ING5: variants seen among roughly 807,000 people sequenced by gnomAD.
The protein encoded by ING5 is inhibitor of growth protein 5.
In ING5, 17 loss-of-function variants were observed where a neutral mutation model predicts 37.4. The observed-to-expected ratio is 0.45, with a 90% CI of 0.31 to 0.68. The LOEUF is 0.68. Ranked by LOEUF, ING5 falls within the 30% of genes least tolerant of loss-of-function variation. The probability of loss-of-function intolerance (pLI) is 0.05; values close to 1 mark genes in which losing one functional copy is unlikely to be tolerated. For missense variants in ING5, 233 were observed against 311.9 expected (o/e 0.75, Z 1.91); for synonymous variants, 123 against 116.6 (o/e 1.06, Z -0.36).
intron 1 of ING5, among the ~76,000 whole-genome samples, chr2:241,703,522 G>C (rs910030532): frequency 6.6e-6 from 1 of 152,160 alleles, no homozygotes; most frequent in East Asian, 1.9e-4. Flanking sequence ...ATTAAAAATT[G>C]AATGGCGTTA....
chr2:241,702,616 C>T (rs75921536), intron 1 of ING5, among the ~76,000 whole-genome samples: 60,023 of 152,000 alleles, frequency 0.39, 12,580 homozygotes, highest in Middle Eastern at 0.5. Flanking sequence ...GTGCGGGCCG[C>T]GGGGCGTCTC....
chr2:241,698,030 C>T (rs2069655456), upstream of ING5, among the ~76,000 whole-genome samples: 1 of 147,298 alleles, frequency 6.8e-6, no homozygotes, highest in African/African-American at 2.5e-5. Context: ...TTGTAGTAAG[C>T]CAAGATTGCA....
upstream of ING5, among the ~76,000 whole-genome samples, chr2:241,699,952 C>T (rs899440918): frequency 6.6e-6 from 1 of 151,942 alleles, no homozygotes; most frequent in African/African-American, 2.4e-5. Flanking sequence ...AGAAGAATCA[C>T]CCCAAAGACT....
intron 5 of ING5, among the ~76,000 whole-genome samples, chr2:241,714,966 T>G (rs749933283): frequency 1.3e-5 from 2 of 152,280 alleles, no homozygotes; most frequent in Middle Eastern, 3.4e-3. Context: ...TTTTGTTTGC[T>G]ATTGCATTTG....
intron 1 of ING5, among the ~76,000 whole-genome samples, chr2:241,689,120 T>G: frequency 1.9e-5 from 1 of 53,550 alleles, no homozygotes; most frequent in South Asian, 4.1e-4. Flanking sequence ...TTTAATTTAA[T>G]TTTTTTTTTG....
intron 2 of ING5, among the ~76,000 whole-genome samples, chr2:241,705,757 A>C (rs1434330227): frequency 6.6e-6 from 1 of 151,990 alleles, no homozygotes; most frequent in Non-Finnish European, 1.5e-5. Flanking sequence ...TTCTTATTTT[A>C]TCTCTCGTCA....
At chr2:241,719,303 C>T (rs916478464) in intron 5 of ING5, among the ~76,000 whole-genome samples, 2 of 152,228 alleles carry the variant, frequency 1.3e-5, no homozygotes, top group Non-Finnish European at 2.9e-5. Flanking sequence ...GTGGGCTCAG[C>T]GTGGCCCAGT....
intron 2 of ING5, among the ~76,000 whole-genome samples, chr2:241,692,539 C>T (rs1193431935): frequency 1.3e-5 from 2 of 151,528 alleles, no homozygotes; most frequent in South Asian, 2.1e-4. Context: ...TGGGCCCAAG[C>T]GGTCATCCTG....
chr2:241,719,700 C>A, intron 5 of ING5: 1 of 1,511,226 alleles, frequency 6.6e-7, no homozygotes, highest in South Asian at 1.2e-5. Context: ...GGGCTTCCTC[C>A]CTGAGGGCTC....
At chr2:241,717,199 T>C (rs987413194) in intron 5 of ING5, among the ~76,000 whole-genome samples, 16 of 151,950 alleles carry the variant, frequency 1.1e-4, no homozygotes, top group Admixed American at 5.3e-4. Flanking sequence ...CTCAGCCTCC[T>C]GAGTAGCTGA....
chr2:241,723,014 C>T lies in ING5; in HGVS notation c.558C>T (p.Pro186=), dbSNP rs1264524806. Residue 186 remains proline, a synonymous_variant, in exon 6 of 8, where the codon CCC becomes CCT. Coordinates refer to ENST00000313552, the MANE Select transcript of ING5 (RefSeq NM_032329.6). ...VLDMPVDPNE[P]TYCLCHQVSY... ...ACATGCCCGTGGACCCAAACGAACC[C>T]ACGTACTGCCTGTGCCACCAGGTCT... 3 of 1,614,218 alleles carry T rather than the reference C, an allele frequency of 1.9e-6. No individual in the cohort carries two copies. The highest frequency in any genetic ancestry group is 2.5e-6 in the Non-Finnish European group (3 of 1,180,054).
intron 5 of ING5, among the ~76,000 whole-genome samples, chr2:241,715,022 A>G (rs112240585): frequency 0.039 from 5,920 of 152,114 alleles, 447 homozygotes; most frequent in East Asian, 0.29. Context: ...TACTTTGCCT[A>G]TACTATTCTA....
At chr2:241,697,815 G>A (rs553046481), upstream of ING5, among the ~76,000 whole-genome samples, 3 of 152,330 alleles carry the variant, frequency 2.0e-5, no homozygotes, top group South Asian at 6.2e-4. Flanking sequence ...GGGCGTGGTG[G>A]CTCACGCCCG....
intron 2 of ING5, among the ~76,000 whole-genome samples, chr2:241,708,247 G>A (rs543718642): frequency 2.1e-5 from 3 of 144,388 alleles, no homozygotes; most frequent in East Asian, 4.1e-4. Flanking sequence ...TCACTCTTTC[G>A]CCCAGGCCGG....
intron 7 of ING5, 96 bp downstream of exon 7, chr2:241,723,367 C>G (rs941051384): frequency 7.6e-7 from 1 of 1,322,960 alleles, no homozygotes; most frequent in Non-Finnish European, 1.1e-6. Flanking sequence ...AGAATCTTGC[C>G]GGGCTTAGCG....
intron 2 of ING5, among the ~76,000 whole-genome samples, chr2:241,696,157 C>T (rs144857919): frequency 1.1e-3 from 164 of 152,166 alleles, no homozygotes; most frequent in African/African-American, 3.8e-3. Flanking sequence ...TTTGGAAGGC[C>T]GAGGCGGGCA....
chr2:241,708,523 CTAAACTGA>C (rs1440533797), intron 2 of ING5, among the ~76,000 whole-genome samples: 1 of 152,180 alleles, frequency 6.6e-6, no homozygotes, highest in Non-Finnish European at 1.5e-5. Flanking sequence ...TCTTACCCCT[CTAAACTGA>C]AGGGTTAAGA....
At chr2:241,692,696 C>T (rs2069573009) in intron 2 of ING5, among the ~76,000 whole-genome samples, 1 of 152,124 alleles carries the variant, frequency 6.6e-6, no homozygotes, top group Non-Finnish European at 1.5e-5. Flanking sequence ...AATGCAGTTT[C>T]CACATTCTAG....
In ING5 at chr2:241,726,002, TG is replaced by T. The variant is rs2124960405; in HGVS notation, c.*972del. ...CTGGAATGAAGCTAGGAAACTCGAGTGTGCTTTTTGTTTAATGAGCGTTCAC... is the reference window on the plus strand; with the variant it reads ...CTGGAATGAAGCTAGGAAACTCGAGTTGCTTTTTGTTTAATGAGCGTTCAC... On this transcript the variant is annotated 3_prime_UTR_variant, in exon 8 of 8. Coordinates refer to ENST00000313552, the MANE Select transcript of ING5 (RefSeq NM_032329.6). The T allele has an allele frequency of 6.6e-6, 1 of 152,372 alleles. No individual in the cohort carries two copies. The highest frequency in any genetic ancestry group is 2.1e-4 in the South Asian group (1 of 4,798). The allele number at this position is 152,372 out of a possible 1,614,324, so 9.4% of individuals were successfully genotyped here.
Sources: gnomAD v4.1 joint callset for allele counts (sites outside exome capture counted in the v4.1 genomes callset) on GRCh38, gnomAD v4.1.1 for gene constraint, MANE v1.5 for transcripts, NCBI Gene and HGNC (gene_info 2026-07-23, HGNC 2026-07-21) for gene names.